The following CDCA3 variants were observed in gnomAD, a reference collection of about 807,000 sequenced individuals.
CDCA3 encodes cell division cycle-associated protein 3.
A neutral mutation model predicts 29.1 loss-of-function variants in CDCA3; 16 were observed. That is an observed-to-expected ratio of 0.55 (90% CI 0.37 to 0.83). The LOEUF is 0.83. CDCA3 is among the 40% of genes least tolerant of loss of function. CDCA3 has a pLI of 0.00. For synonymous variants in CDCA3, 88 were observed against 124.5 expected, an observed-to-expected ratio of 0.71 and a Z score of 1.95; for missense variants, 291 against 327.2, an observed-to-expected ratio of 0.89 and a Z score of 0.85.
At chr12:6,846,664 C>T, downstream of CDCA3, 1 of 630,456 alleles carries the variant, frequency 1.6e-6, no homozygotes, top group Non-Finnish European at 2.9e-6. Flanking sequence ...TACACATGCA[C>T]ACATATCCCC....
rs1335483613 is a variant in CDCA3 at position 6,849,377 on chromosome 12, G to C, written c.597C>G (p.Ser199=). The change falls in exon 5 of 6, where the codon TCC becomes TCG. Residue 199 remains serine, a synonymous_variant. Transcript: ENST00000538862. This position sits in a 1 kb window ranked among gnomAD's most constrained non-coding sequence, Gnocchi z 5.2. The part of the protein sequence containing the change: ...KPNSSKVLGR[S]PLTILQDDNS... ...TGTCATCCTGCAGGATGGTGAGGGG[G>C]GATCTCCCTAGTACCTTGCTGCTGT... 1 of 1,606,088 alleles carries C rather than the reference G, an allele frequency of 6.2e-7. No individual in the cohort carries two copies. The highest frequency in any genetic ancestry group is 8.5e-7 in the Non-Finnish European group (1 of 1,176,176).
chr12:6,845,652 C>A (rs782167184), downstream of CDCA3: 62 of 1,613,942 alleles, frequency 3.8e-5, no homozygotes, highest in South Asian at 5.8e-4. Flanking sequence ...GTTTGACCTG[C>A]GGGCAGACCA....
At chr12:6,846,242 C>G (rs1474249791), downstream of CDCA3, 1 of 180,428 alleles carries the variant, frequency 5.5e-6, no homozygotes, top group Non-Finnish European at 1.2e-5. Context: ...GGCTTCTTCT[C>G]TATCAAGAGG....
chr12:6,847,145 G>C, downstream of CDCA3: 1 of 472,826 alleles, frequency 2.1e-6, no homozygotes, highest in South Asian at 2.8e-5. Flanking sequence ...CTCCCTTAAT[G>C]AGCAAGGACA....
At chr12:6,846,821 A>T, downstream of CDCA3, 1 of 1,599,924 alleles carries the variant, frequency 6.3e-7, no homozygotes. Flanking sequence ...TAACAGGGTG[A>T]GCTGCCTGGG....
At chr12:6,846,483 G>A (rs1943700123), downstream of CDCA3, 1 of 276,880 alleles carries the variant, frequency 3.6e-6, no homozygotes, top group South Asian at 1.1e-4. Flanking sequence ...TCTGATCCCA[G>A]CCCTCCCCCA....
downstream of CDCA3, chr12:6,845,629 C>T: frequency 1.2e-6 from 2 of 1,613,608 alleles, no homozygotes; most frequent in East Asian, 2.2e-5. Flanking sequence ...TCGGATGACG[C>T]TTCCTGCCGC....
At chr12:6,845,535 T>C, downstream of CDCA3, 1 of 1,298,064 alleles carries the variant, frequency 7.7e-7, no homozygotes, top group South Asian at 1.2e-5. Flanking sequence ...CGGGAGAGGC[T>C]GTGGGCTGCC....
At chr12:6,845,596 A>G (rs113437937), downstream of CDCA3, 25 of 1,610,274 alleles carry the variant, frequency 1.6e-5, no homozygotes, top group East Asian at 1.1e-4. Flanking sequence ...TTCTTCCCCA[A>G]TGGAGAGGCC....
In CDCA3 at chr12:6,849,637, G is replaced by T; in HGVS notation, c.472C>A (p.Pro158Thr). 1 of 1,614,098 alleles carries T rather than the reference G, an allele frequency of 6.2e-7. No individual in the cohort carries two copies. Among genetic ancestry groups the T allele is most frequent in the Non-Finnish European group, 8.5e-7 (1 of 1,180,002 alleles). The change falls in exon 4 of 6, where the codon CCC becomes ACC. Residue 158 changes from proline to threonine, a missense_variant. Transcript: ENST00000538862. This position sits in a 1 kb window ranked among gnomAD's most constrained non-coding sequence, Gnocchi z 5.2. Reference protein sequence around the residue: ...QVFSKEEARQPTETPVASQSS... With the variant: ...QVFSKEEARQTTETPVASQSS... ...TGGCTGGCCACAGGGGTTTCTGTGG[G>T]CTGTCTTGCTTCCTCCTTGGAAAAC...
chr12:6,845,734 G>A (rs373892759), downstream of CDCA3: 35 of 1,613,892 alleles, frequency 2.2e-5, no homozygotes, highest in Middle Eastern at 1.6e-4. Context: ...CTCAGTGGCC[G>A]CCTACTATTC....
At position 6,849,302 on chromosome 12, in the gene CDCA3, T is replaced by C. The variant is rs368670634; in HGVS notation, c.651+21A>G. ...CTACGTTGGATATCCTAGTAACAGC[T>C]TGCACTTTCTCTTCCTTTACCTGTC... On this transcript the variant is annotated intron_variant, in intron 5 of 5. Coordinates refer to ENST00000538862, the MANE Select transcript of CDCA3 (RefSeq NM_031299.7). The surrounding 1 kb of genome is among the most constrained non-coding windows in gnomAD (Gnocchi z 5.2). The C allele has an allele frequency of 6.3e-7, 1 of 1,594,556 alleles. No individual in the cohort carries two copies. Among genetic ancestry groups the C allele is most frequent in the Non-Finnish European group, 8.6e-7 (1 of 1,169,226 alleles).
In CDCA3 at chr12:6,850,161, TTGTG is replaced by T. The variant is rs3032790; in HGVS notation, c.250+302_251-304del. 9.6e-5 allele frequency: 41 copies of T among 428,948 alleles called. No homozygotes were observed. The highest frequency in any genetic ancestry group is 1.7e-4 in the South Asian group (5 of 28,664). 26.6% of individuals were successfully genotyped at this position (428,948 alleles called of 1,614,324 possible). ...ATCACAGGCCCATGCCACCGTGCTT[TTGTG>T]TGTGTGTGTGTGTGTTATGTGTGTG... On this transcript the variant is annotated intron_variant, in intron 3 of 5. Transcript: ENST00000538862. This position sits in a 1 kb window ranked among gnomAD's most constrained non-coding sequence, Gnocchi z 4.7.
At chr12:6,848,376 ATG>A (rs543069195), downstream of CDCA3, 1 of 152,208 alleles carries the variant, frequency 6.6e-6, no homozygotes, top group Non-Finnish European at 1.5e-5. Context: ...AACAAACAAA[ATG>A]TGGAATCACC....
rs1943817201 is a variant in CDCA3 at position 6,850,281 on chromosome 12, GT to G, written c.250+185del. On this transcript the variant is annotated intron_variant, in intron 3 of 5. Transcript: ENST00000538862. This position sits in a 1 kb window ranked among gnomAD's most constrained non-coding sequence, Gnocchi z 4.7. The stretch of plus-strand genomic sequence containing the variant: ...GATCTGACCACCCCGGCCTTCCAAC[GT>G]GCTGGGATTACAGGCATGAGCCACC... 4.0e-6 allele frequency: 3 copies of G among 748,864 alleles called. No individual in the cohort carries two copies. Among genetic ancestry groups the G allele is most frequent in the African/African-American group, 3.5e-5 (2 of 56,918 alleles). The allele number at this position is 748,864 out of a possible 1,614,324, so 46.4% of individuals were successfully genotyped here.
rs935062640 is a variant in CDCA3, at chr12:6,851,015, A to C, written c.-57-6T>G. On this transcript the variant is annotated splice_region_variant and splice_polypyrimidine_tract_variant and intron_variant, in intron 1 of 5. Coordinates refer to ENST00000538862, the MANE Select transcript of CDCA3 (RefSeq NM_031299.7). Reference sequence around the variant, plus strand: ...CCGGGACGAGGAGGGAATGCCTGTGAGAAGTGACTCAGGTCTCAGCCCTTA... The same window carrying C: ...CCGGGACGAGGAGGGAATGCCTGTGCGAAGTGACTCAGGTCTCAGCCCTTA... The C allele has an allele frequency of 1.2e-5, 19 of 1,560,146 alleles. No individual in the cohort carries two copies. The African/African-American group carries it at 2.3e-4, about 19-fold the overall frequency.
downstream of CDCA3, among the ~76,000 whole-genome samples, chr12:6,847,713 C>A (rs1943734358): frequency 6.6e-6 from 1 of 152,134 alleles, no homozygotes; most frequent in Admixed American, 6.5e-5. Flanking sequence ...AATGAGAAGC[C>A]ATTGAGGAGT....
Position 6,849,828 on chromosome 12 carries a change from C to G in CDCA3, c.281G>C (p.Ser94Thr). Residue 94 changes from serine (S) to threonine (T), a missense_variant, in exon 4 of 6, where the codon AGT (serine) becomes ACT (threonine). Ser to Thr is a moderately conservative substitution (Grantham distance 58, BLOSUM62 1). Transcript: ENST00000538862. The surrounding 1 kb of genome is among the most constrained non-coding windows in gnomAD (Gnocchi z 5.2). ...AGAGTCTTCAGTTTCAAATACTTCA[C>G]TCAGCTGTTTCACCAGTGGGCTTGG... ...DPPSPLVKQL[S>T]EVFETEDSKS... 6.4e-7 allele frequency: 1 copy of G among 1,557,268 alleles called. No homozygotes were observed. The highest frequency in any genetic ancestry group is 8.7e-7 in the Non-Finnish European group (1 of 1,149,140).
rs782239942 is a variant in CDCA3 at position 6,848,879 on chromosome 12, C to T, written c.*164G>A. The stretch of plus-strand genomic sequence containing the variant: ...TACTTCCTTTAATATAAAAGAAACA[C>T]ACAAGACACAAAGAAAGCCCAATAA... On this transcript the variant is annotated 3_prime_UTR_variant, in exon 6 of 6. Transcript: ENST00000538862. The T allele has an allele frequency of 1.2e-4, 72 of 588,160 alleles. No homozygotes were observed. The highest frequency in any genetic ancestry group is 1.1e-3 in the African/African-American group (59 of 53,504). The allele number at this position is 588,160 out of a possible 1,614,324, so 36.4% of individuals were successfully genotyped here.
Sources: allele counts gnomAD v4.1 joint callset (sites outside exome capture counted in the v4.1 genomes callset), GRCh38; gene constraint gnomAD v4.1.1; non-coding constraint Gnocchi (gnomAD v3.1); transcripts MANE v1.5; gene names NCBI Gene and HGNC (gene_info 2026-07-23, HGNC 2026-07-21).